Variants in GULP1 observed in about 807,000 individuals in gnomAD.
GULP1 encodes the protein GULP PTB domain containing engulfment adaptor 1, also known as PTB domain-containing engulfment adapter protein 1.
Under a neutral mutation model 40.9 loss-of-function variants are expected in GULP1, and 19 were observed. The observed-to-expected ratio is 0.46, with a 90% confidence interval of 0.32 to 0.68. The LOEUF is 0.68. Among genes scored for constraint, GULP1 ranks in the 30% least tolerant of loss-of-function variants. The pLI, the probability that GULP1 is intolerant of heterozygous loss-of-function variation, is 0.03. For missense variants in GULP1, 312 were observed against 362.2 expected, an observed-to-expected ratio of 0.86 and a Z score of 1.12; for synonymous variants, 119 against 117.6, an observed-to-expected ratio of 1.01 and a Z score of -0.08.
chr2:188,514,866 T>C (rs571946485), intron 4 of GULP1, among the ~76,000 whole-genome samples: 8 of 152,344 alleles, frequency 5.3e-5, no homozygotes, highest in African/African-American at 1.9e-4. Context: ...TCCATCTAAC[T>C]TGTCTTGTTT....
chr2:188,386,328 T>TC (rs2049742101), intron 2 of GULP1, among the ~76,000 whole-genome samples: 1 of 152,120 alleles, frequency 6.6e-6, no homozygotes, highest in South Asian at 2.1e-4. Flanking sequence ...AAGACCCACC[T>TC]CCATGGTTCA....
At chr2:188,500,252 T>G (rs1352323395) in intron 4 of GULP1, among the ~76,000 whole-genome samples, 1 of 151,932 alleles carries the variant, frequency 6.6e-6, no homozygotes, top group African/African-American at 2.4e-5. Context: ...TGACACAATG[T>G]ACGTGAGAAA....
intron 4 of GULP1, among the ~76,000 whole-genome samples, chr2:188,487,262 A>C (rs2061944387): frequency 6.6e-6 from 1 of 152,030 alleles, no homozygotes. Flanking sequence ...TTTATTCTAA[A>C]ATGTATAATT....
chr2:188,488,069 T>C (rs1218412357), intron 4 of GULP1, among the ~76,000 whole-genome samples: 3 of 152,070 alleles, frequency 2.0e-5, no homozygotes, highest in African/African-American at 4.8e-5. Context: ...TAACCCTTAG[T>C]TGGTTGAAAA....
intron 2 of GULP1, among the ~76,000 whole-genome samples, chr2:188,398,831 C>A (rs901332920): frequency 4.6e-5 from 7 of 151,972 alleles, no homozygotes; most frequent in Non-Finnish European, 7.4e-5. Flanking sequence ...AAAATATTTT[C>A]ATGAGAATAA....
At chr2:188,355,394 A>G (rs1165854563) in intron 1 of GULP1, among the ~76,000 whole-genome samples, 1 of 152,112 alleles carries the variant, frequency 6.6e-6, no homozygotes, top group Non-Finnish European at 1.5e-5. Flanking sequence ...AGAGACTATT[A>G]TGAACAACAG....
chr2:188,569,556 C>T, intron 8 of GULP1: 1 of 508,968 alleles, frequency 2.0e-6, no homozygotes, highest in South Asian at 2.1e-5. Context: ...TATTGAATTC[C>T]CACAAGAACT....
chr2:188,321,850 C>T (rs1338461170), intron 1 of GULP1, among the ~76,000 whole-genome samples: 2 of 151,912 alleles, frequency 1.3e-5, no homozygotes, highest in Non-Finnish European at 2.9e-5. Context: ...AACACCAACT[C>T]TACTAAAAAT....
At chr2:188,449,827 GT>G (rs1330691250) in intron 2 of GULP1, among the ~76,000 whole-genome samples, 1 of 152,134 alleles carries the variant, frequency 6.6e-6, no homozygotes, top group African/African-American at 2.4e-5. Context: ...TGAGAAATTG[GT>G]TTTCCTTGAA....
At chr2:188,577,537 C>T (rs543724471) in intron 9 of GULP1, among the ~76,000 whole-genome samples, 1 of 152,176 alleles carries the variant, frequency 6.6e-6, no homozygotes, top group South Asian at 2.1e-4. Flanking sequence ...ATTCTAAAAG[C>T]ATAAACCCTG....
chr2:188,417,598 CT>C (rs1016034930), intron 2 of GULP1, among the ~76,000 whole-genome samples: 5 of 152,056 alleles, frequency 3.3e-5, no homozygotes, highest in South Asian at 2.1e-4. Context: ...AAACTATTCT[CT>C]TGTAAAAGAT....
intron 2 of GULP1, among the ~76,000 whole-genome samples, chr2:188,421,883 A>G (rs1472665102): frequency 6.6e-6 from 1 of 152,134 alleles, no homozygotes; most frequent in Admixed American, 6.6e-5. Context: ...AACTTTATCC[A>G]ACTTCCAGGA....
chr2:188,587,069 C>T (rs1702539782), intron 10 of GULP1, among the ~76,000 whole-genome samples: 1 of 151,756 alleles, frequency 6.6e-6, no homozygotes, highest in East Asian at 1.9e-4. Flanking sequence ...ATTAAGGATA[C>T]ATTTGAATTG....
At chr2:188,390,925 A>G (rs750114592) in intron 2 of GULP1, among the ~76,000 whole-genome samples, 12 of 151,908 alleles carry the variant, frequency 7.9e-5, no homozygotes, top group Non-Finnish European at 1.5e-4. Flanking sequence ...TCAGTTGGTT[A>G]TAAGTATTTG....
At chr2:188,322,531 G>C (rs756453064) in intron 1 of GULP1, among the ~76,000 whole-genome samples, 1 of 152,048 alleles carries the variant, frequency 6.6e-6, no homozygotes, top group Non-Finnish European at 1.5e-5. Flanking sequence ...ATGGTGGTTT[G>C]TTATCCAAAT....
intron 1 of GULP1, chr2:188,294,230 C>T (rs1246995482): frequency 6.6e-6 from 1 of 152,156 alleles, no homozygotes; most frequent in Non-Finnish European, 1.5e-5. Flanking sequence ...AGGGTTTGAG[C>T]AGATGGTTTT....
At chr2:188,366,619 G>A (rs1207726185) in intron 1 of GULP1, among the ~76,000 whole-genome samples, 3 of 120,544 alleles carry the variant, frequency 2.5e-5, no homozygotes, top group African/African-American at 6.3e-5. Flanking sequence ...TTGAGATGGA[G>A]TCTCGCTCTG....
At chr2:188,552,657 A>G (rs552761245) in intron 7 of GULP1, among the ~76,000 whole-genome samples, 5 of 151,556 alleles carry the variant, frequency 3.3e-5, no homozygotes, top group Non-Finnish European at 5.9e-5. Context: ...GTGATGAATG[A>G]TGTCAGTATT....
chr2:188,485,642 T>G (rs1007960043), intron 4 of GULP1, among the ~76,000 whole-genome samples: 2 of 152,020 alleles, frequency 1.3e-5, no homozygotes, highest in Non-Finnish European at 1.5e-5. Flanking sequence ...GCTAGATTCC[T>G]TGGTTTATAT....
Sources: gnomAD v4.1 joint callset for allele counts (sites outside exome capture counted in the v4.1 genomes callset) on GRCh38, gnomAD v4.1.1 for gene constraint, MANE v1.5 for transcripts, NCBI Gene and HGNC (gene_info 2026-07-23, HGNC 2026-07-21) for gene names.